The following LMF1 variants were observed in gnomAD, a reference collection of about 807,000 sequenced individuals.
The protein encoded by LMF1 is lipase maturation factor 1, also known as transmembrane protein 112.
A neutral mutation model predicts 60.6 loss-of-function variants in LMF1; 68 were observed. That is an observed-to-expected ratio of 1.12 (90% CI 0.92 to 1.37). LMF1 has a LOEUF of 1.37. Among genes scored for constraint, LMF1 ranks in the 40% most tolerant of loss-of-function variants. The pLI is 0.00. For synonymous variants in LMF1, 418 were observed against 324.7 expected, an observed-to-expected ratio of 1.29 and a Z score of -3.09; for missense variants, 948 against 767.2, an observed-to-expected ratio of 1.24 and a Z score of -2.78.
Position 854,146 on chromosome 16 carries a change from T to G in LMF1, c.*386A>C, listed in dbSNP as rs1261534186. 2.1e-6 allele frequency: 1 copy of G among 476,712 alleles called. No individual in the cohort carries two copies. The highest frequency in any genetic ancestry group is 2.3e-5 in the Admixed American group (1 of 43,196). The allele number at this position is 476,712 out of a possible 1,614,324, so 29.5% of individuals were successfully genotyped here. On this transcript the variant is annotated 3_prime_UTR_variant, in exon 11 of 11. Coordinates refer to ENST00000262301, the MANE Select transcript of LMF1 (RefSeq NM_022773.4). ...GAACAGAAACCAGGCCCTGGGACGC[T>G]AGAGACCCCAAGAGCTACCTGGCTG... is the stretch of plus-strand genomic sequence containing the variant.
intron 5 of LMF1, among the ~76,000 whole-genome samples, chr16:888,818 A>G (rs1596913533): frequency 6.6e-6 from 1 of 152,250 alleles, no homozygotes; most frequent in South Asian, 2.1e-4. Flanking sequence ...GGACAGCTAC[A>G]TGGGGACCCC....
intron 4 of LMF1, among the ~76,000 whole-genome samples, chr16:896,998 A>G (rs1487401753): frequency 6.8e-6 from 1 of 146,478 alleles, no homozygotes; most frequent in East Asian, 2.0e-4. Context: ...AATTAATTCT[A>G]AAAAAAAAAA....
chr16:929,894 T>C (rs947311287), intron 3 of LMF1, among the ~76,000 whole-genome samples: 27 of 128,054 alleles, frequency 2.1e-4, no homozygotes, highest in Non-Finnish European at 3.2e-4. Flanking sequence ...AGGACAGCAG[T>C]GGTCGTGTAC....
intron 4 of LMF1, among the ~76,000 whole-genome samples, chr16:908,430 G>A (rs1051416763): frequency 3.9e-5 from 6 of 152,098 alleles, no homozygotes; most frequent in African/African-American, 1.2e-4. Flanking sequence ...CCGACACCAC[G>A]TCCAGAAAGC....
intron 3 of LMF1, among the ~76,000 whole-genome samples, chr16:929,777 G>A (rs1444257198): frequency 6.6e-6 from 1 of 152,262 alleles, no homozygotes; most frequent in East Asian, 1.9e-4. Flanking sequence ...AAATATTGTG[G>A]TTTTCCTGCG....
At chr16:928,217 G>C (rs74724122) in intron 3 of LMF1, among the ~76,000 whole-genome samples, 2 of 152,182 alleles carry the variant, frequency 1.3e-5, no homozygotes, top group African/African-American at 2.4e-5. Flanking sequence ...CAGCCTCCAC[G>C]TGTTTTCAGC....
At chr16:877,536 T>C (rs1474581913) in intron 6 of LMF1, among the ~76,000 whole-genome samples, 13 of 152,174 alleles carry the variant, frequency 8.5e-5, no homozygotes, top group Non-Finnish European at 1.3e-4. Context: ...CTCGCCACGT[T>C]ACAGACGAAA....
At chr16:945,941 C>T (rs908268874) in intron 2 of LMF1, among the ~76,000 whole-genome samples, 2 of 152,136 alleles carry the variant, frequency 1.3e-5, no homozygotes, top group Non-Finnish European at 2.9e-5. Context: ...AGACTGTTCT[C>T]CCCCCGGCGT....
chr16:974,146 T>C (rs1263801364), upstream of LMF1, among the ~76,000 whole-genome samples: 1 of 152,214 alleles, frequency 6.6e-6, no homozygotes, highest in Non-Finnish European at 1.5e-5. Flanking sequence ...TCTTTGTCTA[T>C]ATTAAGGCGC....
intron 2 of LMF1, among the ~76,000 whole-genome samples, chr16:945,889 TC>T (rs1438586548): frequency 6.6e-6 from 1 of 152,122 alleles, no homozygotes; most frequent in East Asian, 1.9e-4. Flanking sequence ...GGTTGCCAAG[TC>T]CCCGCAGGAC....
At chr16:967,432 G>A (rs2072947638) in intron 1 of LMF1, among the ~76,000 whole-genome samples, 1 of 152,308 alleles carries the variant, frequency 6.6e-6, no homozygotes, top group African/African-American at 2.4e-5. Context: ...GCCCACTCTT[G>A]GGTTCGGTTT....
chr16:871,959 T>C (rs1028246143), intron 6 of LMF1: 8 of 152,270 alleles, frequency 5.3e-5, no homozygotes, highest in African/African-American at 1.7e-4. Context: ...AAGGAAAGAC[T>C]CAGCAGCAGC....
intron 3 of LMF1, among the ~76,000 whole-genome samples, chr16:923,470 G>C (rs1208181299): frequency 6.6e-6 from 1 of 152,158 alleles, no homozygotes; most frequent in East Asian, 1.9e-4. Context: ...TAAAGCATCA[G>C]GCTTCTCAGG....
chr16:947,338 T>G (rs1050885099), intron 2 of LMF1: 2 of 383,466 alleles, frequency 5.2e-6, no homozygotes, highest in South Asian at 3.9e-5. Context: ...ACCCACCCAG[T>G]TGGGGCTACG....
chr16:962,280 G>A lies in LMF1; in HGVS notation c.194-7614C>T, dbSNP rs903763237. ...GGTGACAGCACGGGATCACGACCCA[G>A]AGGGAAAATAAATGGGCGTGGGTCC... On this transcript the variant is annotated intron_variant, in intron 1 of 10. Transcript: ENST00000262301. This position sits in a 1 kb window ranked among gnomAD's most constrained non-coding sequence, Gnocchi z 4.5. 1.3e-5 allele frequency among the ~76,000 whole-genome samples: 2 copies of A among 152,232 alleles called. No homozygotes were observed. The highest frequency in any genetic ancestry group is 2.9e-5 in the Non-Finnish European group (2 of 68,054).
intron 2 of LMF1, among the ~76,000 whole-genome samples, chr16:935,818 C>A (rs889395535): frequency 6.6e-6 from 1 of 152,222 alleles, no homozygotes; most frequent in Non-Finnish European, 1.5e-5. Context: ...CATCGTCCGA[C>A]CTTTGAATAT....
At chr16:899,333 C>A (rs1206264325) in intron 4 of LMF1, 2 of 152,320 alleles carry the variant, frequency 1.3e-5, no homozygotes, top group Non-Finnish European at 2.9e-5. Context: ...TCCCACGACG[C>A]CTCCGTGCCG....
At chr16:926,345 C>T (rs1010482732) in intron 3 of LMF1, among the ~76,000 whole-genome samples, 6 of 151,944 alleles carry the variant, frequency 3.9e-5, no homozygotes, top group Admixed American at 6.5e-5. Context: ...CAGGTCTGTG[C>T]GCATGTGTGC....
At chr16:892,827 C>G (rs998806999) in intron 5 of LMF1, among the ~76,000 whole-genome samples, 180 bp downstream of exon 5, 1 of 152,202 alleles carries the variant, frequency 6.6e-6, no homozygotes, top group Admixed American at 6.5e-5. Context: ...CCCCGCAGCC[C>G]CAGCAAGCCC....
Sources: allele counts gnomAD v4.1 joint callset (sites outside exome capture counted in the v4.1 genomes callset), GRCh38; gene constraint gnomAD v4.1.1; non-coding constraint Gnocchi (gnomAD v3.1); transcripts MANE v1.5; gene names NCBI Gene and HGNC (gene_info 2026-07-23, HGNC 2026-07-21).